Variants in SIK2 observed in about 807,000 individuals in gnomAD.
SIK2 encodes salt inducible kinase 2.
In SIK2, 29 loss-of-function variants were observed where a neutral mutation model predicts 103.2. That is an observed-to-expected ratio of 0.28 (90% CI 0.21 to 0.38). The LOEUF (loss-of-function observed/expected upper bound fraction) is 0.38, where lower values mean the gene tolerates loss of function less well. SIK2 is among the 10% of genes least tolerant of loss of function. The pLI is 1.00. For missense variants in SIK2, 879 were observed against 1,171.0 expected, an observed-to-expected ratio of 0.75 and a Z score of 3.64; for synonymous variants, 412 against 446.1, an observed-to-expected ratio of 0.92 and a Z score of 0.96.
chr11:111,605,108 G>A (rs920503535), intron 1 of SIK2, among the ~76,000 whole-genome samples: 2 of 151,970 alleles, frequency 1.3e-5, no homozygotes, highest in Admixed American at 6.6e-5. Flanking sequence ...GATTACAGGC[G>A]CTCACCACCA....
rs567494634 is a variant in SIK2, at chr11:111,705,206, A to T, written c.1101+67A>T. ...TGTTCACATGTTTGATACATTTTTC[A>T]TCTTATACACAGGGTTAGGATTTCA... On this transcript the variant is annotated intron_variant, in intron 8 of 14. Coordinates refer to ENST00000304987, the MANE Select transcript of SIK2 (RefSeq NM_015191.3). This position sits in a 1 kb window ranked among gnomAD's most constrained non-coding sequence, Gnocchi z 4.3. The T allele has an allele frequency of 7.0e-7, 1 of 1,433,250 alleles. No homozygotes were observed. The highest frequency in any genetic ancestry group is 9.1e-7 in the Non-Finnish European group (1 of 1,094,274). 88.8% of individuals were successfully genotyped at this position (1,433,250 alleles called of 1,614,324 possible).
intron 14 of SIK2, 46 bp from the exon 15 acceptor site, chr11:111,723,450 C>A: frequency 6.5e-7 from 1 of 1,530,954 alleles, no homozygotes; most frequent in South Asian, 1.3e-5. Flanking sequence ...AAATTGCCAT[C>A]ACTTGAGAAG....
intron 9 of SIK2, among the ~76,000 whole-genome samples, chr11:111,715,870 C>T (rs1372904123): frequency 3.1e-5 from 4 of 130,228 alleles, no homozygotes; most frequent in Non-Finnish European, 6.2e-5. Flanking sequence ...GACACGATCT[C>T]AGCTCATTGC....
Position 111,620,462 on chromosome 11 carries a change from G to T in SIK2, c.316+60G>T, listed in dbSNP as rs1013002826. On this transcript the variant is annotated intron_variant, in intron 3 of 14. Transcript: ENST00000304987. Reference sequence around the variant, plus strand: ...AAAAATTCACTAATCTGCATGAATGGGGTATTTTCTGTTAATTTTCTGCTT... The same window carrying T: ...AAAAATTCACTAATCTGCATGAATGTGGTATTTTCTGTTAATTTTCTGCTT... 8 of 1,065,700 alleles carry T rather than the reference G, an allele frequency of 7.5e-6. No individual in the cohort carries two copies. In the African/African-American group the frequency reaches 1.1e-4, roughly 15 times the overall value. 66.0% of individuals were successfully genotyped at this position (1,065,700 alleles called of 1,614,324 possible).
chr11:111,713,248 C>T (rs1260935105), intron 9 of SIK2, among the ~76,000 whole-genome samples: 1 of 152,178 alleles, frequency 6.6e-6, no homozygotes, highest in Non-Finnish European at 1.5e-5. Flanking sequence ...CAGCTTCTCT[C>T]ATTCATAGAT....
At chr11:111,660,426 G>A (rs1942452366) in intron 3 of SIK2, among the ~76,000 whole-genome samples, 1 of 152,208 alleles carries the variant, frequency 6.6e-6, no homozygotes, top group South Asian at 2.1e-4. Context: ...CTTTGGGTCA[G>A]GTGTGTACCT....
chr11:111,701,669 G>A lies in SIK2; in HGVS notation c.727+94G>A, dbSNP rs1205086814. The A allele has an allele frequency of 2.7e-6, 4 of 1,476,012 alleles. No homozygotes were observed. Among genetic ancestry groups the A allele is most frequent in the Non-Finnish European group, 3.6e-6 (4 of 1,097,052 alleles). The allele number at this position is 1,476,012 out of a possible 1,614,324, so 91.4% of individuals were successfully genotyped here. A position where few individuals can be genotyped will look rare whatever the true frequency, so the allele number is the denominator to read the frequency against. On this transcript the variant is annotated intron_variant, in intron 6 of 14. Transcript: ENST00000304987. This position sits in a 1 kb window ranked among gnomAD's most constrained non-coding sequence, Gnocchi z 4.2. ...AAGCTTCTTTTTTTCTAAGAGTTTG[G>A]GTGCCAAATAAAGTGACTGAGCTGT... is the stretch of plus-strand genomic sequence containing the variant.
chr11:111,674,638 T>G (rs977765664), intron 3 of SIK2, among the ~76,000 whole-genome samples: 3 of 152,220 alleles, frequency 2.0e-5, no homozygotes, highest in Non-Finnish European at 4.4e-5. Context: ...AATCGTAAAT[T>G]GTGTAGTGAA....
chr11:111,621,556 A>G lies in SIK2; in HGVS notation c.316+1154A>G, dbSNP rs527347369. On this transcript the variant is annotated intron_variant, in intron 3 of 14. Transcript: ENST00000304987. Reference sequence around the variant, plus strand: ...TTTTGGCTATTATACATAAGTTACTATGTACATTCGTATACAAGTCTACAC... The same window carrying G: ...TTTTGGCTATTATACATAAGTTACTGTGTACATTCGTATACAAGTCTACAC... Among the ~76,000 whole-genome samples, 3 of 152,300 alleles carry G rather than the reference A, an allele frequency of 2.0e-5. No homozygotes were observed. In the South Asian group the frequency reaches 6.2e-4, roughly 32 times the overall value.
intron 1 of SIK2, among the ~76,000 whole-genome samples, chr11:111,605,488 G>A (rs1354210981): frequency 6.6e-6 from 1 of 152,098 alleles, no homozygotes; most frequent in South Asian, 2.1e-4. Context: ...AATGAATATG[G>A]TATAAAAATA....
chr11:111,614,923 GA>G (rs1388957427), intron 1 of SIK2, among the ~76,000 whole-genome samples: 3 of 152,166 alleles, frequency 2.0e-5, no homozygotes, highest in African/African-American at 7.2e-5. Flanking sequence ...CGGATCACCT[GA>G]AGTGAGGAGT....
intron 3 of SIK2, among the ~76,000 whole-genome samples, chr11:111,623,658 A>G (rs1426438864): frequency 1.3e-5 from 2 of 152,166 alleles, no homozygotes; most frequent in African/African-American, 2.4e-5. Flanking sequence ...TGGCCTGACA[A>G]GTAGGAACAG....
chr11:111,706,667 A>G (rs941049072), intron 8 of SIK2, among the ~76,000 whole-genome samples: 4 of 152,172 alleles, frequency 2.6e-5, no homozygotes, highest in Non-Finnish European at 5.9e-5. Flanking sequence ...TTTATATATA[A>G]AATAAGAGTA....
intron 3 of SIK2, among the ~76,000 whole-genome samples, chr11:111,675,592 GC>G (rs1381554300): frequency 2.0e-5 from 3 of 152,284 alleles, no homozygotes; most frequent in Non-Finnish European, 4.4e-5. Context: ...CAAGCCACTA[GC>G]TAATAAACTA....
chr11:111,643,428 A>C (rs1007016617), intron 3 of SIK2, among the ~76,000 whole-genome samples: 2 of 152,154 alleles, frequency 1.3e-5, no homozygotes, highest in Non-Finnish European at 2.9e-5. Flanking sequence ...TACCTATGTA[A>C]CAAACCTGTA....
In SIK2 at chr11:111,724,393, G is replaced by A. The variant is rs879680079; in HGVS notation, c.*264G>A. 1.0e-4 allele frequency: 51 copies of A among 503,316 alleles called. No homozygotes were observed. Among genetic ancestry groups the A allele is most frequent in the African/African-American group, 7.5e-4 (39 of 52,146 alleles). 31.2% of individuals were successfully genotyped at this position (503,316 alleles called of 1,614,324 possible). A position where few individuals can be genotyped will look rare whatever the true frequency, so the allele number is the denominator to read the frequency against. ...CTTCGGTCGAGTGGAGCAAGCTCTC[G>A]AGGGCAGCACTGACAAATGTGTTCC... On this transcript the variant is annotated 3_prime_UTR_variant, in exon 15 of 15. Transcript: ENST00000304987.
intron 3 of SIK2, among the ~76,000 whole-genome samples, chr11:111,655,190 T>C (rs1942375910): frequency 6.6e-6 from 1 of 152,164 alleles, no homozygotes; most frequent in Non-Finnish European, 1.5e-5. Context: ...TCACTTGAGG[T>C]CAGGAGTTCA....
In SIK2 at chr11:111,602,781, G is replaced by T. The variant is rs1199491927; in HGVS notation, c.135+83G>T. 1.4e-5 allele frequency: 20 copies of T among 1,403,774 alleles called. No individual in the cohort carries two copies. Among genetic ancestry groups the T allele is most frequent in the Non-Finnish European group, 1.8e-5 (19 of 1,081,878 alleles). The allele number at this position is 1,403,774 out of a possible 1,614,324, so 87.0% of individuals were successfully genotyped here. ...TACCGAGAGGGGCGGCCGCAGTGGTGGGACCGGGGAGACCCGAGAGGCCGC... is the reference window on the plus strand; with the variant it reads ...TACCGAGAGGGGCGGCCGCAGTGGTTGGACCGGGGAGACCCGAGAGGCCGC... On this transcript the variant is annotated intron_variant, in intron 1 of 14. Coordinates refer to ENST00000304987, the MANE Select transcript of SIK2 (RefSeq NM_015191.3). This position sits in a 1 kb window ranked among gnomAD's most constrained non-coding sequence, Gnocchi z 4.5.
intron 3 of SIK2, among the ~76,000 whole-genome samples, chr11:111,658,382 C>A (rs1942423008): frequency 6.6e-6 from 1 of 152,038 alleles, no homozygotes; most frequent in Non-Finnish European, 1.5e-5. Context: ...CTTGGCCTCC[C>A]ACCAAAGTGC....
Sources: allele counts gnomAD v4.1 joint callset (sites outside exome capture counted in the v4.1 genomes callset), GRCh38; gene constraint gnomAD v4.1.1; non-coding constraint Gnocchi (gnomAD v3.1); transcripts MANE v1.5; gene names NCBI Gene and HGNC (gene_info 2026-07-23, HGNC 2026-07-21).